ERI1: variants seen among roughly 807,000 people sequenced by gnomAD.
The protein encoded by ERI1 is exoribonuclease 1.
Under a neutral mutation model 39.7 loss-of-function variants are expected in ERI1, and 39 were observed. The observed-to-expected ratio is 0.98, with a 90% CI of 0.76 to 1.28. The LOEUF (loss-of-function observed/expected upper bound fraction) is 1.28. ERI1 is among the 50% of genes most tolerant of loss of function. ERI1 has a pLI of 0.00. For missense variants in ERI1, 581 were observed against 416.9 expected, an observed-to-expected ratio of 1.39 and a Z score of -3.43; for synonymous variants, 204 against 149.6, an observed-to-expected ratio of 1.36 and a Z score of -2.65.
At chr8:9,085,555 T>C (rs1361195501) in intron 3 of ERI1, among the ~76,000 whole-genome samples, 2 of 151,622 alleles carry the variant, frequency 1.3e-5, no homozygotes, top group African/African-American at 2.4e-5. Flanking sequence ...ACAGCCACAC[T>C]CATTCATTTA....
chr8:9,074,478 G>T (rs1799145932), intron 3 of ERI1, among the ~76,000 whole-genome samples: 1 of 152,090 alleles, frequency 6.6e-6, no homozygotes, highest in Non-Finnish European at 1.5e-5. Context: ...GTCTTGCTCT[G>T]TCACCCAGGC....
chr8:9,012,240 C>G (rs188618886), intron 3 of ERI1, among the ~76,000 whole-genome samples: 6 of 152,220 alleles, frequency 3.9e-5, no homozygotes, highest in South Asian at 2.1e-4. Flanking sequence ...TTGAACCTCT[C>G]TCTCTGGTGG....
chr8:9,049,211 CT>C (rs1488274818), intron 3 of ERI1, among the ~76,000 whole-genome samples: 7 of 151,346 alleles, frequency 4.6e-5, no homozygotes, highest in Non-Finnish European at 1.0e-4. Context: ...TGGCGGGAGC[CT>C]GTAATCCCAG....
At chr8:9,083,408 A>G (rs1799428301) in intron 3 of ERI1, among the ~76,000 whole-genome samples, 1 of 152,196 alleles carries the variant, frequency 6.6e-6, no homozygotes, top group Non-Finnish European at 1.5e-5. Flanking sequence ...ATTGATGTTT[A>G]TCTCCATTCT....
intron 3 of ERI1, among the ~76,000 whole-genome samples, chr8:9,013,433 C>T (rs1372951381): frequency 6.6e-6 from 1 of 151,972 alleles, no homozygotes; most frequent in African/African-American, 2.4e-5. Flanking sequence ...TCCAGCCCTA[C>T]TGGATTCCCC....
At chr8:9,046,026 G>T (rs568933076) in intron 3 of ERI1, among the ~76,000 whole-genome samples, 3 of 152,266 alleles carry the variant, frequency 2.0e-5, no homozygotes, top group African/African-American at 4.8e-5. Context: ...CCCACTCAGA[G>T]ATTCTAGGGG....
chr8:9,006,977 A>G (rs1192973540), intron 1 of ERI1, among the ~76,000 whole-genome samples: 1 of 152,246 alleles, frequency 6.6e-6, no homozygotes, highest in Non-Finnish European at 1.5e-5. Flanking sequence ...ACAATGTGGT[A>G]CATTATAACT....
At chr8:9,096,362 A>C (rs1585307362) in intron 3 of ERI1, among the ~76,000 whole-genome samples, 1 of 152,192 alleles carries the variant, frequency 6.6e-6, no homozygotes, top group Non-Finnish European at 1.5e-5. Context: ...CCTCAAAACA[A>C]GGGGTGTCTG....
At chr8:9,080,779 C>G (rs1799344408) in intron 3 of ERI1, among the ~76,000 whole-genome samples, 1 of 152,154 alleles carries the variant, frequency 6.6e-6, no homozygotes, top group African/African-American at 2.4e-5. Flanking sequence ...CCTGCAGGAA[C>G]AAGCATTTAG....
chr8:9,026,838 A>G (rs1236619170), intron 6 of ERI1, among the ~76,000 whole-genome samples: 3 of 150,354 alleles, frequency 2.0e-5, no homozygotes, highest in South Asian at 2.1e-4. Context: ...CAGATAAGGA[A>G]TATTTAACCT....
intron 3 of ERI1, chr8:9,091,176 A>G (rs1799690749): frequency 6.6e-6 from 1 of 152,194 alleles, no homozygotes; most frequent in South Asian, 2.1e-4. Flanking sequence ...GCCCTTCTTC[A>G]GCATCTGACT....
intron 3 of ERI1, among the ~76,000 whole-genome samples, chr8:9,068,980 G>A (rs1289147302): frequency 6.6e-6 from 1 of 152,054 alleles, no homozygotes; most frequent in African/African-American, 2.4e-5. Context: ...ACCATGCTTG[G>A]CTAATCTTTT....
At chr8:9,025,952 C>T (rs1198578620) in intron 6 of ERI1, among the ~76,000 whole-genome samples, 6 of 152,032 alleles carry the variant, frequency 3.9e-5, no homozygotes, top group Non-Finnish European at 8.8e-5. Context: ...GTGGATGAAA[C>T]AGTGTATGTA....
At chr8:9,058,909 A>G (rs375172626) in intron 3 of ERI1, among the ~76,000 whole-genome samples, 1 of 152,206 alleles carries the variant, frequency 6.6e-6, no homozygotes, top group Non-Finnish European at 1.5e-5. Context: ...CATACAAACC[A>G]ACTTTCATGC....
intron 3 of ERI1, among the ~76,000 whole-genome samples, chr8:9,048,160 C>T (rs1204219339): frequency 6.6e-6 from 1 of 152,250 alleles, no homozygotes; most frequent in Non-Finnish European, 1.5e-5. Flanking sequence ...TGTGCTCAAC[C>T]TTGTCTGCGT....
chr8:9,023,795 T>G (rs1818181182), intron 6 of ERI1, among the ~76,000 whole-genome samples: 1 of 118,040 alleles, frequency 8.5e-6, no homozygotes, highest in African/African-American at 3.1e-5. Context: ...AAAAATGACT[T>G]TTTTTTTTTT....
chr8:9,056,356 A>G (rs1019448215), intron 3 of ERI1, among the ~76,000 whole-genome samples: 1 of 152,218 alleles, frequency 6.6e-6, no homozygotes, highest in African/African-American at 2.4e-5. Context: ...GGGGTTATAC[A>G]GCATCATATT....
At chr8:9,060,655 A>G (rs1463461922) in intron 3 of ERI1, among the ~76,000 whole-genome samples, 1 of 152,226 alleles carries the variant, frequency 6.6e-6, no homozygotes, top group African/African-American at 2.4e-5. Flanking sequence ...CCTTGGTCTA[A>G]GAACCATTTG....
intron 3 of ERI1, among the ~76,000 whole-genome samples, chr8:9,098,818 T>C (rs930018876): frequency 1.3e-5 from 2 of 152,194 alleles, no homozygotes; most frequent in African/African-American, 4.8e-5. Flanking sequence ...ATTTCAAATA[T>C]ACAATTTGGT....
Sources: allele counts gnomAD v4.1 joint callset (sites outside exome capture counted in the v4.1 genomes callset), GRCh38; gene constraint gnomAD v4.1.1; transcripts MANE v1.5; gene names NCBI Gene and HGNC (gene_info 2026-07-23, HGNC 2026-07-21).